Variants in GUCY2F observed in about 807,000 individuals in gnomAD.
GUCY2F encodes the protein guanylate cyclase 2F, retinal.
GUCY2F carries 61 observed loss-of-function variants against 73.1 expected under a neutral mutation model. The observed-to-expected ratio is 0.83, with a 90% CI of 0.68 to 1.03. The LOEUF is 1.03. Ranked by LOEUF, GUCY2F falls within the 50% of genes least tolerant of loss-of-function variation. GUCY2F has a pLI of 0.00. For synonymous variants in GUCY2F, 331 were observed against 307.8 expected (o/e 1.08, Z -0.79); for missense variants, 912 against 854.3 (o/e 1.07, Z -0.84).
At chrX:109,428,202 T>G (rs1246170922) in intron 8 of GUCY2F, among the ~76,000 whole-genome samples, 1 of 112,161 alleles carries the variant, frequency 8.9e-6, no homozygotes, top group Non-Finnish European at 1.9e-5. Flanking sequence ...TCTCCCCCAA[T>G]GTTATGTATT....
At chrX:109,473,120 T>A (rs980420386) in intron 2 of GUCY2F, among the ~76,000 whole-genome samples, 1 of 111,626 alleles carries the variant, frequency 9.0e-6, no homozygotes, top group African/African-American at 3.3e-5. Flanking sequence ...AATCTGCCTA[T>A]GTTTTGTCAA....
chrX:109,388,728 T>C, intron 14 of GUCY2F, 65 bp from the exon 15 acceptor site: 5 of 774,388 alleles, frequency 6.5e-6, no homozygotes, highest in Non-Finnish European at 9.8e-6. Flanking sequence ...CACAGAGCTG[T>C]AAGGGTATAA....
At chrX:109,457,393 T>C (rs1932281529) in intron 3 of GUCY2F, among the ~76,000 whole-genome samples, 1 of 111,836 alleles carries the variant, frequency 8.9e-6, no homozygotes, top group African/African-American at 3.3e-5. Context: ...TGAAAAGCCA[T>C]CACTTGAAGG....
intron 14 of GUCY2F, among the ~76,000 whole-genome samples, chrX:109,391,289 G>A (rs1168029652): frequency 9.0e-6 from 1 of 111,395 alleles, no homozygotes; most frequent in African/African-American, 3.3e-5. Flanking sequence ...AGTGAGAGAA[G>A]GTGGGAACAG....
At chrX:109,428,897 A>G (rs1286189887) in intron 8 of GUCY2F, among the ~76,000 whole-genome samples, 1 of 112,225 alleles carries the variant, frequency 8.9e-6, no homozygotes, top group Non-Finnish European at 1.9e-5. Flanking sequence ...AATTATGTCA[A>G]AATTAAAAGC....
In GUCY2F at chrX:109,405,554, C is replaced by T. The variant is rs193139007; in HGVS notation, c.1969-1070G>A. On this transcript the variant is annotated intron_variant, in intron 9 of 19. Coordinates refer to ENST00000218006, the MANE Select transcript of GUCY2F (RefSeq NM_001522.3). Reference sequence around the variant, plus strand: ...TACAGTCATTTCAGAACTTTGTTTGCTAAAAGTCTTTTTAAGTATCTGGCT... The same window carrying T: ...TACAGTCATTTCAGAACTTTGTTTGTTAAAAGTCTTTTTAAGTATCTGGCT... Among the ~76,000 whole-genome samples the T allele has an allele frequency of 1.4e-3, 155 of 111,829 alleles. 1 individual carries two copies. The highest frequency in any genetic ancestry group is 4.5e-3 in the African/African-American group (139 of 30,770).
At chrX:109,379,816 G>A (rs1056270659) in intron 17 of GUCY2F, among the ~76,000 whole-genome samples, 1 of 112,430 alleles carries the variant, frequency 8.9e-6, no homozygotes, top group African/African-American at 3.2e-5. Flanking sequence ...TTGATAATTT[G>A]TTGCCTGTAT....
intron 8 of GUCY2F, among the ~76,000 whole-genome samples, chrX:109,429,996 C>T (rs1450561947): frequency 8.9e-6 from 1 of 112,330 alleles, no homozygotes; most frequent in Non-Finnish European, 1.9e-5. Flanking sequence ...AAATCCTCAT[C>T]CAACCTAAAG....
chrX:109,427,803 A>G (rs1569365140), intron 8 of GUCY2F, among the ~76,000 whole-genome samples: 1 of 112,448 alleles, frequency 8.9e-6, no homozygotes. Flanking sequence ...AAACACATAA[A>G]CAGATGTCAT....
At chrX:109,392,287 C>T (rs1183654184) in intron 13 of GUCY2F, among the ~76,000 whole-genome samples, 184 bp from the exon 14 acceptor site, 3 of 112,207 alleles carry the variant, frequency 2.7e-5, no homozygotes, top group Non-Finnish European at 5.6e-5. Flanking sequence ...TAAGTGCTTA[C>T]AATCGGTCAG....
chrX:109,462,958 CAT>C (rs1266015655), intron 3 of GUCY2F, among the ~76,000 whole-genome samples: 14 of 111,515 alleles, frequency 1.3e-4, no homozygotes, highest in Non-Finnish European at 2.6e-4. Flanking sequence ...TGTGTGTGTG[CAT>C]GTGTGTGTCT....
intron 5 of GUCY2F, among the ~76,000 whole-genome samples, chrX:109,451,531 C>T (rs1232791711): frequency 1.8e-5 from 2 of 111,692 alleles, no homozygotes; most frequent in African/African-American, 3.3e-5. Flanking sequence ...GTTCTAGGTG[C>T]TTTACTTATT....
In GUCY2F at chrX:109,443,786, A is replaced by G. The variant is rs185189527; in HGVS notation, c.1570-2304T>C. On this transcript the variant is annotated intron_variant, in intron 6 of 19. Coordinates refer to ENST00000218006, the MANE Select transcript of GUCY2F (RefSeq NM_001522.3). ...GAACTGTCATTTTGACATGGATACCACCAAAGAAGTGGGGATTTTACAAAT... is the reference window on the plus strand; with the variant it reads ...GAACTGTCATTTTGACATGGATACCGCCAAAGAAGTGGGGATTTTACAAAT... Among the ~76,000 whole-genome samples the G allele has an allele frequency of 3.9e-3, 438 of 112,214 alleles. 7 individuals carry two copies. The highest frequency in any genetic ancestry group is 5.3e-3 in the Non-Finnish European group (284 of 53,138).
At chrX:109,428,949 A>G (rs752552319) in intron 8 of GUCY2F, among the ~76,000 whole-genome samples, 1 of 112,343 alleles carries the variant, frequency 8.9e-6, no homozygotes, top group Non-Finnish European at 1.9e-5. Context: ...ACCTTGGGTC[A>G]ATACTTCTAG....
intron 17 of GUCY2F, among the ~76,000 whole-genome samples, chrX:109,377,919 G>A (rs1055939505): frequency 1.8e-5 from 2 of 111,229 alleles, no homozygotes; most frequent in African/African-American, 6.5e-5. Flanking sequence ...AGCTCCAGGG[G>A]CTCTCTGAGG....
At chrX:109,382,087 G>A (rs1467171144) in intron 17 of GUCY2F, 31 bp downstream of exon 17, 1 of 842,908 alleles carries the variant, frequency 1.2e-6, no homozygotes, top group African/African-American at 2.0e-5. Context: ...TATCCAAGTA[G>A]TCTGGCTCAA....
intron 2 of GUCY2F, among the ~76,000 whole-genome samples, chrX:109,472,330 A>G (rs897033418): frequency 9.0e-6 from 1 of 110,604 alleles, no homozygotes; most frequent in Non-Finnish European, 1.9e-5. Context: ...GGCCCCTCCA[A>G]AGGAAGGGGT....
chrX:109,393,232 A>C (rs1330012084), intron 12 of GUCY2F, among the ~76,000 whole-genome samples, 177 bp from the exon 13 acceptor site: 1 of 109,298 alleles, frequency 9.1e-6, no homozygotes, highest in Non-Finnish European at 1.9e-5. Context: ...ACCCATTTAC[A>C]GGGCACTACC....
chrX:109,403,886 G>C (rs1289974071), intron 10 of GUCY2F, among the ~76,000 whole-genome samples: 1 of 112,526 alleles, frequency 8.9e-6, no homozygotes, highest in African/African-American at 3.2e-5. Flanking sequence ...GCATTTATTT[G>C]CTGAGAGATC....
Sources: gnomAD v4.1 joint callset for allele counts (sites outside exome capture counted in the v4.1 genomes callset) on GRCh38, gnomAD v4.1.1 for gene constraint, MANE v1.5 for transcripts, NCBI Gene and HGNC (gene_info 2026-07-23, HGNC 2026-07-21) for gene names.